MKLN1: variants seen among roughly 807,000 people sequenced by gnomAD.
MKLN1 encodes muskelin.
In MKLN1, 18 loss-of-function variants were observed where a neutral mutation model predicts 99.0. That is an observed-to-expected ratio of 0.18 (90% confidence interval 0.13 to 0.27). The LOEUF is 0.27. Among genes scored for constraint, MKLN1 ranks in the 10% least tolerant of loss-of-function variants. The pLI is 1.00. For missense variants in MKLN1, 621 were observed against 875.9 expected (o/e 0.71, Z 3.67); for synonymous variants, 288 against 293.2 (o/e 0.98, Z 0.18).
intron 3 of MKLN1, among the ~76,000 whole-genome samples, chr7:131,252,610 G>A (rs987735550): frequency 1.3e-4 from 20 of 152,214 alleles, no homozygotes; most frequent in African/African-American, 4.6e-4. Context: ...TTATAGGTGT[G>A]AGCCACCGCA....
chr7:131,297,675 C>T (rs944588004), intron 3 of MKLN1, among the ~76,000 whole-genome samples: 4 of 152,132 alleles, frequency 2.6e-5, no homozygotes, highest in Non-Finnish European at 5.9e-5. Context: ...GAACAACTTT[C>T]AAAATGTCAA....
intron 1 of MKLN1, among the ~76,000 whole-genome samples, chr7:131,366,667 C>G (rs760004921): frequency 6.6e-6 from 1 of 152,030 alleles, no homozygotes; most frequent in Non-Finnish European, 1.5e-5. Flanking sequence ...CAAAAACTAG[C>G]CGGGCATGGT....
intron 3 of MKLN1, among the ~76,000 whole-genome samples, chr7:131,253,878 T>C (rs1246548066): frequency 2.0e-5 from 3 of 152,326 alleles, no homozygotes; most frequent in East Asian, 3.9e-4. Context: ...TGTAGGCTGA[T>C]TGGTTTACCA....
At chr7:131,360,677 T>C (rs1431786706) in intron 1 of MKLN1, among the ~76,000 whole-genome samples, 1 of 152,202 alleles carries the variant, frequency 6.6e-6, no homozygotes, top group Non-Finnish European at 1.5e-5. Context: ...TGAACAGTTA[T>C]TTGTTAGATC....
Position 131,121,545 on chromosome 7 carries a change from G to A in MKLN1, c.-419+11338G>A, listed in dbSNP as rs1191999895. 3.4e-5 allele frequency among the ~76,000 whole-genome samples: 5 copies of A among 148,800 alleles called. No individual in the cohort carries two copies. The East Asian group carries it at 9.7e-4, about 29-fold the overall frequency. ...CCCAGCTACTCGGGAGGCTGAGGCA[G>A]GGGAATAGCATGAACCCCTGGGGGC... On this transcript the variant is annotated intron_variant, in intron 1 of 7. Coordinates refer to the MKLN1 transcript ENST00000416992.
At chr7:131,224,942 A>G (rs542545645) in intron 3 of MKLN1, among the ~76,000 whole-genome samples, 11 of 152,000 alleles carry the variant, frequency 7.2e-5, no homozygotes, top group South Asian at 6.2e-4. Context: ...GCATGGTGGC[A>G]GGCACCTGTA....
rs530592211 is a variant in MKLN1, at chr7:131,383,718, T to A, written c.169-3402T>A. Among the ~76,000 whole-genome samples, 3 of 152,352 alleles carry A rather than the reference T, an allele frequency of 2.0e-5. No individual in the cohort carries two copies. In the South Asian group the frequency reaches 6.2e-4, roughly 32 times the overall value. On this transcript the variant is annotated intron_variant, in intron 2 of 17. Coordinates refer to ENST00000352689, the MANE Select transcript of MKLN1 (RefSeq NM_013255.5). ...ACCCTGTTATTGAAGTCAGAAACTA[T>A]GTCATCATCCTTAATGCCTCCCTCT...
chr7:131,270,464 A>T (rs1490947027), intron 3 of MKLN1, among the ~76,000 whole-genome samples: 1 of 152,104 alleles, frequency 6.6e-6, no homozygotes, highest in Non-Finnish European at 1.5e-5. Context: ...CAGGTCATCC[A>T]CCCGGCTTGG....
At chr7:131,306,107 T>G (rs1798461518) in intron 3 of MKLN1, among the ~76,000 whole-genome samples, 1 of 152,222 alleles carries the variant, frequency 6.6e-6, no homozygotes. Context: ...TCCTGCCACC[T>G]TGTGAAGAAG....
At chr7:131,468,795 A>G (rs1796729294) in intron 15 of MKLN1, among the ~76,000 whole-genome samples, 1 of 152,242 alleles carries the variant, frequency 6.6e-6, no homozygotes, top group Admixed American at 6.5e-5. Flanking sequence ...TTAGAAAATG[A>G]AGATGGAGAA....
intron 2 of MKLN1, among the ~76,000 whole-genome samples, chr7:131,192,133 AAATAT>A: frequency 1.1e-5 from 1 of 87,760 alleles, no homozygotes; most frequent in South Asian, 3.8e-4. Flanking sequence ...ATATATATAA[AAATAT>A]ATATACGTAT....
chr7:131,439,732 A>C (rs458096), intron 10 of MKLN1, among the ~76,000 whole-genome samples: 1 of 152,192 alleles, frequency 6.6e-6, no homozygotes, highest in African/African-American at 2.4e-5. Flanking sequence ...TTTTAATTTT[A>C]ACATATTTAA....
intron 3 of MKLN1, among the ~76,000 whole-genome samples, chr7:131,266,173 CAAAAA>C (rs35332093): frequency 2.3e-5 from 2 of 86,576 alleles, no homozygotes; most frequent in East Asian, 3.4e-4. Flanking sequence ...GACTGCATCT[CAAAAA>C]AAAAAAAAAA....
intron 17 of MKLN1, among the ~76,000 whole-genome samples, chr7:131,479,695 C>T (rs936039307): frequency 3.3e-5 from 5 of 151,512 alleles, no homozygotes; most frequent in Non-Finnish European, 5.9e-5. Flanking sequence ...GGTGTGGTGG[C>T]GGGCGCCTGT....
At chr7:131,159,983 A>C (rs1238689634) in intron 2 of MKLN1, among the ~76,000 whole-genome samples, 2 of 151,998 alleles carry the variant, frequency 1.3e-5, no homozygotes, top group Non-Finnish European at 2.9e-5. Context: ...GGGCTTTCAC[A>C]CAGGCTGCCT....
At chr7:131,233,373 A>AAAATAAATAAATAAATAAAT (rs71966796) in intron 3 of MKLN1, among the ~76,000 whole-genome samples, 3 of 142,520 alleles carry the variant, frequency 2.1e-5, no homozygotes, top group East Asian at 2.1e-4. Flanking sequence ...CTGTCTCCAA[A>AAAATAAATAAATAAATAAAT]AAATAAATAA....
intron 2 of MKLN1, among the ~76,000 whole-genome samples, chr7:131,151,954 C>T (rs964107614): frequency 6.6e-6 from 1 of 152,010 alleles, no homozygotes. Context: ...CATGTCTAGC[C>T]CATCAATATC....
At chr7:131,450,675 T>C (rs1419935177) in intron 12 of MKLN1, among the ~76,000 whole-genome samples, 1 of 152,192 alleles carries the variant, frequency 6.6e-6, no homozygotes, top group East Asian at 1.9e-4. Flanking sequence ...GCCCATGCTA[T>C]TCCTCCTACC....
intron 1 of MKLN1, among the ~76,000 whole-genome samples, chr7:131,119,082 T>C (rs1007756171): frequency 3.9e-5 from 6 of 152,216 alleles, no homozygotes; most frequent in Admixed American, 2.0e-4. Context: ...ACAATGCAAG[T>C]TTCTTCTGCC....
Sources: allele counts gnomAD v4.1 joint callset (sites outside exome capture counted in the v4.1 genomes callset), GRCh38; gene constraint gnomAD v4.1.1; transcripts MANE v1.5; gene names NCBI Gene and HGNC (gene_info 2026-07-23, HGNC 2026-07-21).